STK31: variants seen among roughly 807,000 people sequenced by gnomAD.
The protein encoded by STK31 is serine/threonine kinase 31, also known as serine/threonine-protein kinase 31.
STK31 carries 89 observed loss-of-function variants against 129.7 expected under a neutral mutation model. The ratio of observed to expected loss-of-function variants is 0.69; its 90% CI spans 0.58 to 0.82. The LOEUF is 0.82. Among genes scored for constraint, STK31 ranks in the 40% least tolerant of loss-of-function variants. The probability of loss-of-function intolerance (pLI) is 0.00; values close to 1 mark genes in which losing one functional copy is unlikely to be tolerated. For synonymous variants in STK31, 448 were observed against 395.3 expected (o/e 1.13, Z -1.58); for missense variants, 1,187 against 1,176.4 (o/e 1.01, Z -0.13).
chr7:23,740,545 G>T (rs895703631), intron 8 of STK31, among the ~76,000 whole-genome samples: 1 of 151,998 alleles, frequency 6.6e-6, no homozygotes, highest in Non-Finnish European at 1.5e-5. Flanking sequence ...TGCACAACGT[G>T]CAGGTTTGTT....
chr7:23,773,568 T>C (rs546528739), intron 15 of STK31, among the ~76,000 whole-genome samples: 17 of 152,286 alleles, frequency 1.1e-4, no homozygotes, highest in African/African-American at 3.9e-4. Flanking sequence ...AGTAATGGTA[T>C]TGCTGGGTCA....
chr7:23,777,212 T>C (rs536460035), intron 15 of STK31, among the ~76,000 whole-genome samples: 15 of 152,326 alleles, frequency 9.8e-5, no homozygotes, highest in African/African-American at 2.6e-4. Flanking sequence ...TTCTGTTCTT[T>C]TCCATTTGCC....
At chr7:23,736,013 G>A in intron 7 of STK31, 117 bp downstream of exon 7, 1 of 781,782 alleles carries the variant, frequency 1.3e-6, no homozygotes, top group Non-Finnish European at 1.9e-6. Flanking sequence ...TTTAAGGGCT[G>A]ATGCTGATAT....
intron 4 of STK31, among the ~76,000 whole-genome samples, chr7:23,719,525 A>G (rs1411386110): frequency 6.6e-6 from 1 of 152,118 alleles, no homozygotes; most frequent in Admixed American, 6.6e-5. Flanking sequence ...TTCTAAAGCA[A>G]CATTTAACTC....
At chr7:23,798,800 C>CA in intron 22 of STK31, among the ~76,000 whole-genome samples, 1 of 152,276 alleles carries the variant, frequency 6.6e-6, no homozygotes, top group Non-Finnish European at 1.5e-5. Flanking sequence ...GAGAGACAGT[C>CA]AAAGTCTGTC....
chr7:23,832,068 C>A, intron 23 of STK31, 68 bp from the exon 24 acceptor site: 1 of 1,137,542 alleles, frequency 8.8e-7, no homozygotes, highest in Non-Finnish European at 1.3e-6. Flanking sequence ...AAAATAAGTC[C>A]ACTTCCTTCT....
intron 5 of STK31, chr7:23,727,560 T>A: frequency 2.9e-5 from 5 of 173,394 alleles, no homozygotes; most frequent in Middle Eastern, 2.2e-3. Flanking sequence ...TCAGTTCTTT[T>A]TTTTTTTTTT....
chr7:23,711,429 GAA>G (rs995172446), intron 1 of STK31, among the ~76,000 whole-genome samples: 5 of 125,738 alleles, frequency 4.0e-5, no homozygotes, highest in South Asian at 2.4e-4. Flanking sequence ...CGTTTGGGGG[GAA>G]AAAAAAAAAA....
chr7:23,785,250 T>A (rs1562600081), intron 17 of STK31, among the ~76,000 whole-genome samples: 1 of 152,142 alleles, frequency 6.6e-6, no homozygotes, highest in Non-Finnish European at 1.5e-5. Context: ...GAATCTGTTC[T>A]AAAATTATAG....
chr7:23,749,809 C>T (rs1193662073), intron 8 of STK31, among the ~76,000 whole-genome samples: 1 of 152,052 alleles, frequency 6.6e-6, no homozygotes, highest in African/African-American at 2.4e-5. Context: ...ATGTCTCTGG[C>T]CCATGAATTC....
At chr7:23,787,894 T>C (rs1280445314) in intron 20 of STK31, 86 bp from the exon 21 acceptor site, 1 of 1,348,424 alleles carries the variant, frequency 7.4e-7, no homozygotes, top group Non-Finnish European at 9.9e-7. Flanking sequence ...TACTCACTTC[T>C]AGAGCAGTCT....
intron 8 of STK31, among the ~76,000 whole-genome samples, chr7:23,750,023 T>C (rs1445043568): frequency 3.6e-5 from 5 of 138,832 alleles, no homozygotes; most frequent in Non-Finnish European, 4.5e-5. Context: ...GTAGATCTTA[T>C]TAAGAAGTAC....
intron 22 of STK31, among the ~76,000 whole-genome samples, chr7:23,814,179 A>G (rs1236007192): frequency 1.4e-5 from 1 of 71,282 alleles, no homozygotes; most frequent in Non-Finnish European, 2.6e-5. Flanking sequence ...TGGGAGGGTT[A>G]TAAGACAACC....
chr7:23,713,553 A>C (rs1786108059), intron 3 of STK31, among the ~76,000 whole-genome samples: 1 of 152,240 alleles, frequency 6.6e-6, no homozygotes, highest in South Asian at 2.1e-4. Context: ...AGCTTAAAAC[A>C]AACATTGTAG....
Position 23,735,836 on chromosome 7 carries a change from A to T in STK31, c.782A>T (p.Glu261Val), listed in dbSNP as rs541742374. The T allele has an allele frequency of 1.2e-6, 2 of 1,607,516 alleles. No individual in the cohort carries two copies. The highest frequency in any genetic ancestry group is 2.7e-5 in the African/African-American group (2 of 74,702). The change falls in exon 7 of 24, where the codon GAG (glutamate) becomes GTG (valine). Residue 261 changes from glutamate to valine, a missense_variant. Physicochemically the swap from Glu to Val is moderately radical, Grantham distance 121. This residue lies in a region of STK31 where 975 missense variants were observed against 934.9 expected (regional missense o/e 1.04). Coordinates refer to ENST00000355870, the MANE Select transcript of STK31 (RefSeq NM_031414.5). ...TFSRPKGHLSEKMTLDLKDEN... is the reference protein window; with the variant it reads ...TFSRPKGHLSVKMTLDLKDEN... Reference sequence around the variant, plus strand: ...AGCAGGCCCAAGGGGCACTTAAGTGAGAAAATGACTCTTGACTTGAAGGAT... The same window carrying T: ...AGCAGGCCCAAGGGGCACTTAAGTGTGAAAATGACTCTTGACTTGAAGGAT...
chr7:23,735,517 T>A, intron 6 of STK31, 21 bp from the exon 7 acceptor site: 2 of 1,553,938 alleles, frequency 1.3e-6, no homozygotes, highest in Non-Finnish European at 1.7e-6. Context: ...TGTAGCTGGT[T>A]TATGTTTTCT....
In STK31 at chr7:23,781,428, C is replaced by A; in HGVS notation, c.1975C>A (p.Pro659Thr). ...TTCTTTCTGATTCAAGTCAGATGAT[C>A]CTGATGGCTCTCAAATTGAGAAAAT... ...EKSNLEESDD[P>T]DGSQIEKIKE... Residue 659 changes from proline to threonine, a missense_variant, in exon 16 of 24, where the codon CCT becomes ACT. Pro to Thr is a conservative substitution (Grantham distance 38). Coordinates refer to ENST00000355870, the MANE Select transcript of STK31 (RefSeq NM_031414.5). The A allele has an allele frequency of 6.2e-7, 1 of 1,608,800 alleles. No individual in the cohort carries two copies. The highest frequency in any genetic ancestry group is 8.5e-7 in the Non-Finnish European group (1 of 1,178,136).
At chr7:23,755,408 GGGTAGATT>G (rs1311473392) in intron 10 of STK31, among the ~76,000 whole-genome samples, 1 of 152,110 alleles carries the variant, frequency 6.6e-6, no homozygotes, top group Non-Finnish European at 1.5e-5. Context: ...TTTGTCAGAT[GGGTAGATT>G]GCAAAAATTT....
chr7:23,807,985 G>A (rs372095140), intron 22 of STK31, among the ~76,000 whole-genome samples: 7 of 151,218 alleles, frequency 4.6e-5, no homozygotes, highest in Middle Eastern at 3.4e-3. Flanking sequence ...TATGATGGCC[G>A]TTTTAAAATC....
Sources: allele counts gnomAD v4.1 joint callset (sites outside exome capture counted in the v4.1 genomes callset), GRCh38; gene constraint gnomAD v4.1.1; regional missense constraint gnomAD v4.1.1; transcripts MANE v1.5; gene names NCBI Gene and HGNC (gene_info 2026-07-23, HGNC 2026-07-21).